The following ARPP19 variants were observed in gnomAD, a reference collection of about 807,000 sequenced individuals.
ARPP19 encodes the protein cAMP-regulated phosphoprotein 19.
A neutral mutation model predicts 12.0 loss-of-function variants in ARPP19; 8 were observed. The ratio of observed to expected loss-of-function variants is 0.67; its 90% CI spans 0.39 to 1.21. The LOEUF is 1.21. Ranked by LOEUF, ARPP19 falls within the 50% of genes most tolerant of loss-of-function variation. ARPP19 has a pLI of 0.01. For missense variants in ARPP19, 102 were observed against 136.3 expected, an observed-to-expected ratio of 0.75 and a Z score of 1.25; for synonymous variants, 47 against 50.4, an observed-to-expected ratio of 0.93 and a Z score of 0.29.
intron 2 of ARPP19, among the ~76,000 whole-genome samples, chr15:52,554,565 A>T (rs555796591): frequency 1.8e-4 from 27 of 152,258 alleles, no homozygotes; most frequent in African/African-American, 6.3e-4. Flanking sequence ...TATGATCTAG[A>T]TGACAATCTT....
intron 1 of ARPP19, among the ~76,000 whole-genome samples, chr15:52,563,842 C>G (rs1477629291): frequency 6.6e-6 from 1 of 152,150 alleles, no homozygotes; most frequent in East Asian, 1.9e-4. Context: ...CAGGAAGGTA[C>G]CAATACTGTA....
intron 1 of ARPP19, among the ~76,000 whole-genome samples, chr15:52,567,960 C>A (rs1465539402): frequency 6.6e-6 from 1 of 152,140 alleles, no homozygotes; most frequent in East Asian, 1.9e-4. Context: ...ATACCTCGGC[C>A]CTTTCTCACT....
chr15:52,556,278 C>T (rs1017679548), intron 2 of ARPP19, among the ~76,000 whole-genome samples: 4 of 152,102 alleles, frequency 2.6e-5, no homozygotes, highest in South Asian at 2.1e-4. Context: ...AATTCTCTTC[C>T]GTAAGTAGTA....
At chr15:52,563,086 C>T (rs921929522) in intron 1 of ARPP19, among the ~76,000 whole-genome samples, 7 of 151,930 alleles carry the variant, frequency 4.6e-5, no homozygotes, top group Admixed American at 1.3e-4. Context: ...ATCTTGCCCA[C>T]GCTGGTCTTG....
intron 1 of ARPP19, among the ~76,000 whole-genome samples, chr15:52,559,913 C>G (rs1250079819): frequency 6.6e-6 from 1 of 152,178 alleles, no homozygotes; most frequent in South Asian, 2.1e-4. Flanking sequence ...GTCCCTGCAC[C>G]TTCAAATTAA....
rs1252237275 is a variant in ARPP19 at position 52,550,348 on chromosome 15, G to A, written c.*1586C>T. 3 of 152,180 alleles carry A rather than the reference G, an allele frequency of 2.0e-5. No homozygotes were observed. The highest frequency in any genetic ancestry group is 7.2e-5 in the African/African-American group (3 of 41,454). 9.4% of individuals were successfully genotyped at this position (152,180 alleles called of 1,614,324 possible). On this transcript the variant is annotated 3_prime_UTR_variant, in exon 3 of 3. Transcript: ENST00000249822. ...TTTTAATAGGAGTTTTACCTGTCATGTAAATTACTCTAATTGTCACAAGCC... is the reference window on the plus strand; with the variant it reads ...TTTTAATAGGAGTTTTACCTGTCATATAAATTACTCTAATTGTCACAAGCC...
At chr15:52,555,133 C>T (rs2077969954) in intron 2 of ARPP19, among the ~76,000 whole-genome samples, 1 of 152,088 alleles carries the variant, frequency 6.6e-6, no homozygotes, top group Non-Finnish European at 1.5e-5. Flanking sequence ...GAGCTCACTT[C>T]TCAAATTCTA....
At chr15:52,567,860 C>G (rs954287035) in intron 1 of ARPP19, among the ~76,000 whole-genome samples, 1 of 152,064 alleles carries the variant, frequency 6.6e-6, no homozygotes, top group Non-Finnish European at 1.5e-5. Flanking sequence ...GAAACCCGCA[C>G]GAAGGTCAAG....
chr15:52,553,143 T>C (rs140852730), intron 2 of ARPP19, among the ~76,000 whole-genome samples: 1 of 152,354 alleles, frequency 6.6e-6, no homozygotes, highest in Admixed American at 6.5e-5. Flanking sequence ...TTCCTGGTAT[T>C]CTGTTATTTA....
chr15:52,548,395 G>C lies in ARPP19; in HGVS notation c.*3539C>G, dbSNP rs1292200204. 6.6e-6 allele frequency: 1 copy of C among 152,108 alleles called. No individual in the cohort carries two copies. The highest frequency in any genetic ancestry group is 1.5e-5 in the Non-Finnish European group (1 of 68,178). The allele number at this position is 152,108 out of a possible 1,614,324, so 9.4% of individuals were successfully genotyped here. On this transcript the variant is annotated 3_prime_UTR_variant, in exon 3 of 3. Transcript: ENST00000249822. ...CCAGCTACTTGGGAGGCTGAGGCAG[G>C]AGAACTGCTTGAACCCAGGAGGCAG...
At chr15:52,552,173 C>G in intron 2 of ARPP19, 69 bp from the exon 3 acceptor site, 1 of 844,558 alleles carries the variant, frequency 1.2e-6, no homozygotes, top group South Asian at 1.4e-5. Context: ...TCGATGCAAC[C>G]CCATACTGTC....
In ARPP19 at chr15:52,551,949, G is replaced by A. The variant is rs1350957510; in HGVS notation, c.324C>T (p.Ser108=). 44 of 1,613,002 alleles carry A rather than the reference G, an allele frequency of 2.7e-5. No individual in the cohort carries two copies. Among genetic ancestry groups the A allele is most frequent in the Non-Finnish European group, 3.6e-5 (42 of 1,179,350 alleles). Residue 108 remains serine (S), a synonymous_variant, in exon 3 of 3, where the codon AGC becomes AGT. Coordinates refer to ENST00000249822, the MANE Select transcript of ARPP19 (RefSeq NM_006628.6). ...LPQRKPSLVA[S]KLAG ...AGCCTCTTAATCAGCCAGCCAGCTT[G>A]CTAGCAACAAGGGACGGCTTCCGTT... is the stretch of plus-strand genomic sequence containing the variant.
intron 2 of ARPP19, chr15:52,556,888 A>G (rs1488852806): frequency 6.7e-6 from 3 of 448,978 alleles, no homozygotes; most frequent in African/African-American, 6.1e-5. Context: ...TGCTTTAAAT[A>G]GTTTATTATT....
chr15:52,558,614 T>C (rs535417915), intron 1 of ARPP19, among the ~76,000 whole-genome samples: 54 of 152,192 alleles, frequency 3.5e-4, no homozygotes, highest in African/African-American at 1.2e-3. Context: ...TCTGCCTATC[T>C]TGAGCCTTCC....
At chr15:52,567,950 ATAC>A (rs1448979578) in intron 1 of ARPP19, among the ~76,000 whole-genome samples, 1 of 152,198 alleles carries the variant, frequency 6.6e-6, no homozygotes, top group Non-Finnish European at 1.5e-5. Flanking sequence ...AGGAGACAAG[ATAC>A]CTCGGCCCTT....
At position 52,550,159 on chromosome 15, in the gene ARPP19, CTGAG is replaced by C; in HGVS notation, c.*1771_*1774del. The C allele has an allele frequency of 6.6e-6, 1 of 152,304 alleles. No homozygotes were observed. Among genetic ancestry groups the C allele is most frequent in the Non-Finnish European group, 1.5e-5 (1 of 68,018 alleles). The allele number at this position is 152,304 out of a possible 1,614,324, so 9.4% of individuals were successfully genotyped here. On this transcript the variant is annotated 3_prime_UTR_variant, in exon 3 of 3. Transcript: ENST00000249822. ...ATAGTAGCATCTCAAGCTACTGATC[CTGAG>C]TATCATGCTACAGCATTACAACTAC...
intron 2 of ARPP19, among the ~76,000 whole-genome samples, chr15:52,555,490 A>G (rs1479874946): frequency 1.3e-5 from 2 of 152,132 alleles, no homozygotes; most frequent in Non-Finnish European, 2.9e-5. Flanking sequence ...TAAAATAACC[A>G]CATAATACTA....
chr15:52,551,858 G>A lies in ARPP19; in HGVS notation c.*76C>T. The A allele has an allele frequency of 8.9e-7, 1 of 1,118,796 alleles. No homozygotes were observed. Among genetic ancestry groups the A allele is most frequent in the East Asian group, 2.4e-5 (1 of 42,476 alleles). The allele number at this position is 1,118,796 out of a possible 1,614,324, so 69.3% of individuals were successfully genotyped here. A position where few individuals can be genotyped will look rare whatever the true frequency, so the allele number is the denominator to read the frequency against. ...GTCTCAAATGACTAGTGAATGAAAG[G>A]AAATAAAAAGTAGATAAGTAACATA... On this transcript the variant is annotated 3_prime_UTR_variant, in exon 3 of 3. Coordinates refer to ENST00000249822, the MANE Select transcript of ARPP19 (RefSeq NM_006628.6).
Position 52,550,863 on chromosome 15 carries a change from A to G in ARPP19, c.*1071T>C, listed in dbSNP as rs2077923682. 1 of 152,676 alleles carries G rather than the reference A, an allele frequency of 6.5e-6. No individual in the cohort carries two copies. Among genetic ancestry groups the G allele is most frequent in the Admixed American group, 6.5e-5 (1 of 15,286 alleles). 9.5% of individuals were successfully genotyped at this position (152,676 alleles called of 1,614,324 possible). A position where few individuals can be genotyped will look rare whatever the true frequency, so the allele number is the denominator to read the frequency against. On this transcript the variant is annotated 3_prime_UTR_variant, in exon 3 of 3. Coordinates refer to ENST00000249822, the MANE Select transcript of ARPP19 (RefSeq NM_006628.6). ...TGGAAGTAAAAAGTTTCTACATTTA[A>G]AAAGTTTATATAAATTACATGAATT... is the stretch of plus-strand genomic sequence containing the variant.
Sources: gnomAD v4.1 joint callset for allele counts (sites outside exome capture counted in the v4.1 genomes callset) on GRCh38, gnomAD v4.1.1 for gene constraint, MANE v1.5 for transcripts, NCBI Gene and HGNC (gene_info 2026-07-23, HGNC 2026-07-21) for gene names.